The following COL14A1 variants were observed in gnomAD, a reference collection of about 807,000 sequenced individuals.
The protein encoded by COL14A1 is collagen alpha-1(XIV) chain.
COL14A1 carries 136 observed loss-of-function variants against 230.3 expected under a neutral mutation model. The observed-to-expected ratio is 0.59, with a 90% CI of 0.51 to 0.68. The LOEUF is 0.68. COL14A1 is among the 30% of genes least tolerant of loss of function. The probability of loss-of-function intolerance (pLI) is 0.00; values close to 1 mark genes in which losing one functional copy is unlikely to be tolerated. For missense variants in COL14A1, 1,976 were observed against 2,215.8 expected, an observed-to-expected ratio of 0.89 and a Z score of 2.17; for synonymous variants, 792 against 784.1, an observed-to-expected ratio of 1.01 and a Z score of -0.17.
chr8:120,252,381 C>A (rs1306611258), intron 22 of COL14A1, among the ~76,000 whole-genome samples: 3 of 152,152 alleles, frequency 2.0e-5, no homozygotes, highest in Non-Finnish European at 4.4e-5. Context: ...TCCATTATAT[C>A]ACTCAAAATT....
intron 5 of COL14A1, among the ~76,000 whole-genome samples, chr8:120,174,565 T>C (rs951782425): frequency 6.6e-6 from 1 of 152,204 alleles, no homozygotes; most frequent in Non-Finnish European, 1.5e-5. Flanking sequence ...GTCCATTTCC[T>C]TCCTCACTGG....
intron 40 of COL14A1, among the ~76,000 whole-genome samples, chr8:120,324,401 G>A (rs948864419): frequency 2.0e-5 from 3 of 152,060 alleles, no homozygotes; most frequent in Non-Finnish European, 2.9e-5. Context: ...GATTGATCCC[G>A]GATCTGTAGC....
At chr8:120,267,854 T>C (rs1819544070) in intron 25 of COL14A1, among the ~76,000 whole-genome samples, 2 of 151,762 alleles carry the variant, frequency 1.3e-5, no homozygotes, top group African/African-American at 4.8e-5. Context: ...TGTTTAAGAA[T>C]GATAACTTTG....
At position 120,130,217 on chromosome 8, in the gene COL14A1, C is replaced by T. The variant is rs115010821; in HGVS notation, c.-38+4877C>T. On this transcript the variant is annotated intron_variant, in intron 1 of 47. Transcript: ENST00000297848. ...TTTTTTCATAGCAAAGCTTTTCTGA[C>T]GAAGGAAGCAAAAGAATACATAGAC... 1.7e-3 allele frequency among the ~76,000 whole-genome samples: 265 copies of T among 152,276 alleles called. 1 individual carries two copies. Among genetic ancestry groups the T allele is most frequent in the African/African-American group, 6.1e-3 (255 of 41,560 alleles).
chr8:120,266,319 G>T (rs1819499907), intron 24 of COL14A1, among the ~76,000 whole-genome samples: 1 of 152,020 alleles, frequency 6.6e-6, no homozygotes, highest in Non-Finnish European at 1.5e-5. Context: ...GTTTACATTT[G>T]GTCCTCAAAA....
chr8:120,367,372 G>A (rs1291080628), intron 46 of COL14A1, 124 bp downstream of exon 46: 1 of 766,332 alleles, frequency 1.3e-6, no homozygotes, highest in African/African-American at 1.8e-5. Flanking sequence ...TTTCTTACTT[G>A]TTTTATTGGG....
rs544570311 is a variant in COL14A1, at chr8:120,296,901, C to G, written c.4237-610C>G. On this transcript the variant is annotated intron_variant, in intron 34 of 47. Coordinates refer to ENST00000297848, the MANE Select transcript of COL14A1 (RefSeq NM_021110.4). Reference sequence around the variant, plus strand: ...ATTGTGTACCATATTTATGTGCTCCCCTCTCACTCCCTGTAAGTTCTTCTA... The same window carrying G: ...ATTGTGTACCATATTTATGTGCTCCGCTCTCACTCCCTGTAAGTTCTTCTA... Among the ~76,000 whole-genome samples the G allele has an allele frequency of 6.6e-5, 10 of 151,950 alleles. No individual in the cohort carries two copies. In the East Asian group the frequency reaches 1.7e-3, roughly 26 times the overall value.
chr8:120,157,153 A>T (rs1815507315), intron 2 of COL14A1, among the ~76,000 whole-genome samples: 1 of 152,192 alleles, frequency 6.6e-6, no homozygotes, highest in African/African-American at 2.4e-5. Context: ...AAATGAGTAC[A>T]TTTTTGTAAA....
At chr8:120,356,401 G>A (rs1006265890) in intron 45 of COL14A1, among the ~76,000 whole-genome samples, 7 of 152,142 alleles carry the variant, frequency 4.6e-5, no homozygotes, top group East Asian at 1.9e-4. Flanking sequence ...TGCTGGCTTC[G>A]CCACTTAACT....
intron 4 of COL14A1, among the ~76,000 whole-genome samples, chr8:120,167,467 G>GGT (rs1235599910): frequency 6.6e-6 from 1 of 152,198 alleles, no homozygotes; most frequent in African/African-American, 2.4e-5. Flanking sequence ...AACAGCCTGA[G>GGT]GTGCTATTTG....
intron 28 of COL14A1, among the ~76,000 whole-genome samples, 180 bp from the exon 29 acceptor site, chr8:120,279,755 C>T (rs1819980286): frequency 6.6e-6 from 1 of 152,122 alleles, no homozygotes; most frequent in South Asian, 2.1e-4. Flanking sequence ...ATGATGGAAT[C>T]ATTATCACAT....
At chr8:120,184,321 C>T (rs1027319214) in intron 5 of COL14A1, among the ~76,000 whole-genome samples, 6 of 151,476 alleles carry the variant, frequency 4.0e-5, no homozygotes, top group African/African-American at 1.5e-4. Flanking sequence ...GTGGTGTGAT[C>T]TTTGCTCACC....
chr8:120,134,826 A>G (rs544752983), intron 1 of COL14A1, among the ~76,000 whole-genome samples: 1 of 151,982 alleles, frequency 6.6e-6, no homozygotes, highest in African/African-American at 2.4e-5. Context: ...AATACAAAAA[A>G]CAGTTGGGTA....
rs1003954849 is a variant in COL14A1 at position 120,217,689 on chromosome 8, G to A, written c.1737+1199G>A. On this transcript the variant is annotated intron_variant, in intron 14 of 47. Coordinates refer to ENST00000297848, the MANE Select transcript of COL14A1 (RefSeq NM_021110.4). ...AGAGTAAATAATCCTGAAGAGTCTGGTCATTTGGATGAGTTGCTTTGTTAT... is the reference window on the plus strand; with the variant it reads ...AGAGTAAATAATCCTGAAGAGTCTGATCATTTGGATGAGTTGCTTTGTTAT... Among the ~76,000 whole-genome samples the A allele has an allele frequency of 5.9e-5, 9 of 152,086 alleles. No individual in the cohort carries two copies. In the South Asian group the frequency reaches 1.9e-3, roughly 31 times the overall value.
intron 35 of COL14A1, among the ~76,000 whole-genome samples, chr8:120,298,942 C>T (rs1203722929): frequency 2.6e-5 from 4 of 151,768 alleles, no homozygotes; most frequent in Non-Finnish European, 5.9e-5. Context: ...GCAAACACTT[C>T]CTTCTTCAGA....
At chr8:120,321,658 A>G (rs940424613) in intron 40 of COL14A1, among the ~76,000 whole-genome samples, 1 of 144,358 alleles carries the variant, frequency 6.9e-6, no homozygotes, top group Non-Finnish European at 1.5e-5. Context: ...AAAAAAAAAG[A>G]TACTTCTGAA....
chr8:120,190,866 T>C (rs1816800148), intron 5 of COL14A1, among the ~76,000 whole-genome samples: 1 of 152,116 alleles, frequency 6.6e-6, no homozygotes. Flanking sequence ...TGGTAGTTTG[T>C]ATTTCTGTGG....
intron 45 of COL14A1, among the ~76,000 whole-genome samples, chr8:120,350,822 G>A (rs1309010377): frequency 1.3e-5 from 2 of 151,804 alleles, no homozygotes; most frequent in South Asian, 2.1e-4. Flanking sequence ...ACATTAGACA[G>A]ATCAACGAGA....
chr8:120,166,795 A>G (rs554000108), intron 4 of COL14A1, among the ~76,000 whole-genome samples: 20 of 152,232 alleles, frequency 1.3e-4, no homozygotes, highest in African/African-American at 4.6e-4. Context: ...AAGAGCCCAA[A>G]GAATGCGAAT....
Sources: gnomAD v4.1 joint callset for allele counts (sites outside exome capture counted in the v4.1 genomes callset) on GRCh38, gnomAD v4.1.1 for gene constraint, MANE v1.5 for transcripts, NCBI Gene and HGNC (gene_info 2026-07-23, HGNC 2026-07-21) for gene names.